Variants in SPON1 observed in about 807,000 individuals in gnomAD.
SPON1 encodes the protein spondin-1.
A neutral mutation model predicts 111.7 loss-of-function variants in SPON1; 52 were observed. The ratio of observed to expected loss-of-function variants is 0.47; its 90% CI spans 0.37 to 0.59. The LOEUF (loss-of-function observed/expected upper bound fraction) is 0.59, where lower values mean the gene tolerates loss of function less well. Among genes scored for constraint, SPON1 ranks in the 20% least tolerant of loss-of-function variants. The pLI, the probability that SPON1 is intolerant of heterozygous loss-of-function variation, is 0.00. For synonymous variants in SPON1, 410 were observed against 395.8 expected (o/e 1.04, Z -0.43); for missense variants, 957 against 1,068.5 (o/e 0.90, Z 1.46).
chr11:14,003,917 A>C (rs1242964468), intron 2 of SPON1, among the ~76,000 whole-genome samples: 1 of 152,086 alleles, frequency 6.6e-6, no homozygotes, highest in African/African-American at 2.4e-5. Context: ...CCTTTGACTT[A>C]CATCTTCCTA....
At chr11:14,217,048 T>C (rs1319445145) in intron 6 of SPON1, among the ~76,000 whole-genome samples, 1 of 152,254 alleles carries the variant, frequency 6.6e-6, no homozygotes, top group Admixed American at 6.5e-5. Context: ...AGCCATTCCC[T>C]AGGAGAAGGT....
intron 2 of SPON1, among the ~76,000 whole-genome samples, chr11:14,005,945 C>T (rs1259232690): frequency 2.0e-5 from 3 of 152,068 alleles, no homozygotes; most frequent in East Asian, 3.9e-4. Flanking sequence ...TAATATTACC[C>T]ACTTTGGAGG....
intron 7 of SPON1, 113 bp from the exon 8 acceptor site, chr11:14,254,415 C>T (rs1347784464): frequency 4.6e-5 from 45 of 981,362 alleles, no homozygotes; most frequent in South Asian, 4.0e-4. Context: ...TGGGAGACCA[C>T]GAATGTGGAT....
chr11:14,088,569 T>C (rs1411230698), intron 5 of SPON1, among the ~76,000 whole-genome samples: 1 of 152,116 alleles, frequency 6.6e-6, no homozygotes, highest in Non-Finnish European at 1.5e-5. Context: ...TAACATTTTT[T>C]CCTTCATTTC....
At chr11:13,964,268 C>A (rs1847998654) in intron 1 of SPON1, among the ~76,000 whole-genome samples, 1 of 152,352 alleles carries the variant, frequency 6.6e-6, no homozygotes, top group African/African-American at 2.4e-5. Context: ...TCACCCTCGC[C>A]CCTTCATAAG....
chr11:14,161,237 T>TTATATATATCTATATATATCTATATTTA (rs200834992), intron 6 of SPON1, among the ~76,000 whole-genome samples: 1 of 52,688 alleles, frequency 1.9e-5, no homozygotes, highest in Non-Finnish European at 3.6e-5. Context: ...ATTTATATAT[T>TTATATATATCTATATATATCTATATTTA]TATATATCTA....
chr11:13,982,045 A>G (rs1347122651), intron 1 of SPON1, among the ~76,000 whole-genome samples: 1 of 152,228 alleles, frequency 6.6e-6, no homozygotes, highest in Non-Finnish European at 1.5e-5. Context: ...CAATTGGAAA[A>G]TTCCAAAAAT....
chr11:14,089,486 G>A (rs1365893461), intron 5 of SPON1, among the ~76,000 whole-genome samples: 1 of 152,206 alleles, frequency 6.6e-6, no homozygotes, highest in Non-Finnish European at 1.5e-5. Context: ...AAAAATTGCT[G>A]TTTGCTCCTT....
intron 5 of SPON1, among the ~76,000 whole-genome samples, chr11:14,091,365 C>T (rs1049657458): frequency 6.6e-6 from 1 of 152,222 alleles, no homozygotes; most frequent in African/African-American, 2.4e-5. Flanking sequence ...GGACTGGGCG[C>T]CGTGGAGCAG....
chr11:14,126,800 C>T lies in SPON1; in HGVS notation c.677-8620C>T, dbSNP rs118118592. Reference sequence around the variant, plus strand: ...ACCTCGTCTCCTTTTTCCCAGCCCTCCTGATACCTGAGTCTTTTCTCTCTC... The same window carrying T: ...ACCTCGTCTCCTTTTTCCCAGCCCTTCTGATACCTGAGTCTTTTCTCTCTC... On this transcript the variant is annotated intron_variant, in intron 5 of 15. Transcript: ENST00000576479. Among the ~76,000 whole-genome samples the T allele has an allele frequency of 3.9e-4, 60 of 152,256 alleles. 2 individuals carry two copies. In the East Asian group the frequency reaches 9.1e-3, roughly 23 times the overall value.
intron 5 of SPON1, among the ~76,000 whole-genome samples, chr11:14,133,014 C>A (rs1187588886): frequency 1.3e-5 from 2 of 152,168 alleles, no homozygotes; most frequent in African/African-American, 4.8e-5. Context: ...ACCAAGTTTA[C>A]AAAGCCAGTA....
intron 6 of SPON1, among the ~76,000 whole-genome samples, chr11:14,214,810 T>C (rs998962330): frequency 6.6e-6 from 1 of 152,222 alleles, no homozygotes; most frequent in Non-Finnish European, 1.5e-5. Flanking sequence ...AGCCAACTCC[T>C]CTTGCCCCTG....
At chr11:13,971,279 C>G (rs1848061300) in intron 1 of SPON1, among the ~76,000 whole-genome samples, 1 of 152,198 alleles carries the variant, frequency 6.6e-6, no homozygotes, top group South Asian at 2.1e-4. Context: ...AGCTGAAACG[C>G]TGCTGCTGTG....
chr11:14,160,490 TA>T (rs1847905849), intron 6 of SPON1, among the ~76,000 whole-genome samples: 1 of 15,010 alleles, frequency 6.7e-5, no homozygotes, highest in African/African-American at 2.4e-4. Context: ...TTTATATATA[TA>T]TATTTACATA....
chr11:14,178,745 C>G (rs935472906), intron 6 of SPON1, among the ~76,000 whole-genome samples: 1 of 152,194 alleles, frequency 6.6e-6, no homozygotes, highest in Non-Finnish European at 1.5e-5. Context: ...ATGAAGCCCC[C>G]GGCCCTGTTT....
chr11:14,230,311 T>G (rs1389516104), intron 6 of SPON1, among the ~76,000 whole-genome samples: 2 of 152,110 alleles, frequency 1.3e-5, no homozygotes, highest in Non-Finnish European at 2.9e-5. Flanking sequence ...AGGGAGATGA[T>G]GAAGTGAAAT....
In SPON1 at chr11:14,011,034, A is replaced by G. The variant is rs377452351; in HGVS notation, c.345+28081A>G. ...TGGGGAGTCCTTAAGAATCAATTAC[A>G]TTTTCCTAATTAGTGTGGGTAGTCA... On this transcript the variant is annotated intron_variant, in intron 2 of 15. Transcript: ENST00000576479. 2.6e-4 allele frequency among the ~76,000 whole-genome samples: 40 copies of G among 152,204 alleles called. No homozygotes were observed. The Middle Eastern group carries it at 0.01, about 39-fold the overall frequency.
chr11:14,027,778 C>T (rs1194816552), intron 2 of SPON1, among the ~76,000 whole-genome samples: 4 of 152,174 alleles, frequency 2.6e-5, no homozygotes, highest in African/African-American at 9.7e-5. Flanking sequence ...AAGAAGATGC[C>T]TCATCTGCCT....
intron 2 of SPON1, among the ~76,000 whole-genome samples, chr11:13,987,406 T>G (rs903049149): frequency 1.3e-5 from 2 of 151,082 alleles, no homozygotes; most frequent in Admixed American, 6.6e-5. Context: ...ACTTTTTGTT[T>G]GTTTTTTTCC....
Sources: gnomAD v4.1 joint callset for allele counts (sites outside exome capture counted in the v4.1 genomes callset) on GRCh38, gnomAD v4.1.1 for gene constraint, MANE v1.5 for transcripts, NCBI Gene and HGNC (gene_info 2026-07-23, HGNC 2026-07-21) for gene names.